TENM1: variants seen among roughly 807,000 people sequenced by gnomAD.
TENM1 encodes the protein teneurin-1.
In TENM1, 35 loss-of-function variants were observed where a neutral mutation model predicts 174.8. That is an observed-to-expected ratio of 0.20 (90% CI 0.15 to 0.27). The LOEUF is 0.27. Ranked by LOEUF, TENM1 falls within the 10% of genes least tolerant of loss-of-function variation. TENM1 has a pLI of 1.00. For synonymous variants in TENM1, 781 were observed against 798.7 expected (o/e 0.98, Z 0.37); for missense variants, 1,633 against 2,130.1 (o/e 0.77, Z 4.59).
chrX:124,509,790 G>A lies in TENM1; in HGVS notation c.3302-6087C>T, dbSNP rs189388868. ...GGCTGGAGTGCAGTGGTGTGATCAC[G>A]GCTCATTGTAGCCTCCACCTCCCAG... On this transcript the variant is annotated intron_variant, in intron 18 of 31. Transcript: ENST00000422452. Among the ~76,000 whole-genome samples, 301 of 103,381 alleles carry A rather than the reference G, an allele frequency of 2.9e-3. 3 individuals carry two copies. Among genetic ancestry groups the A allele is most frequent in the African/African-American group, 0.01 (288 of 27,810 alleles). 89.8% of individuals were successfully genotyped at this position (103,381 alleles called of 115,157 possible).
intron 11 of TENM1, among the ~76,000 whole-genome samples, chrX:124,606,480 G>T (rs1399333010): frequency 9.8e-5 from 11 of 111,707 alleles, no homozygotes; most frequent in African/African-American, 1.3e-4. Flanking sequence ...CATTGGACAA[G>T]ACTTAATATT....
At chrX:124,577,927 C>G (rs781115227) in intron 11 of TENM1, among the ~76,000 whole-genome samples, 12 of 108,208 alleles carry the variant, frequency 1.1e-4, no homozygotes, top group African/African-American at 3.5e-4. Context: ...CCTGATTTCA[C>G]TATTTTTTTT....
At chrX:124,583,197 G>C (rs1301193710) in intron 11 of TENM1, among the ~76,000 whole-genome samples, 2 of 111,409 alleles carry the variant, frequency 1.8e-5, no homozygotes, top group African/African-American at 6.6e-5. Context: ...CTCCCAGCAC[G>C]CAGCTGGAGA....
At chrX:124,953,429 G>C (rs1434235964) in intron 1 of TENM1, among the ~76,000 whole-genome samples, 3 of 111,313 alleles carry the variant, frequency 2.7e-5, no homozygotes, top group African/African-American at 9.8e-5. Context: ...CATCATTCTT[G>C]AACAGTCCCG....
intron 14 of TENM1, among the ~76,000 whole-genome samples, chrX:124,549,540 C>A (rs1022620357): frequency 6.3e-5 from 7 of 110,891 alleles, no homozygotes; most frequent in Non-Finnish European, 1.1e-4. Context: ...TAAAAAAAAA[C>A]TAAAAAAATC....
At chrX:124,404,159 A>G (rs1238935169) in intron 27 of TENM1, among the ~76,000 whole-genome samples, 1 of 111,934 alleles carries the variant, frequency 8.9e-6, no homozygotes, top group African/African-American at 3.2e-5. Context: ...AACTTTATAT[A>G]TAACAGAAAC....
At chrX:124,594,382 CT>C (rs2049839441) in intron 11 of TENM1, among the ~76,000 whole-genome samples, 1 of 111,632 alleles carries the variant, frequency 9.0e-6, no homozygotes, top group African/African-American at 3.3e-5. Context: ...AGAGAAATGT[CT>C]TAGTCACCTT....
chrX:125,114,687 C>A, the TENM1 span, among the ~76,000 whole-genome samples: 1 of 110,967 alleles, frequency 9.0e-6, no homozygotes, highest in South Asian at 3.8e-4. Flanking sequence ...AAGACTAAAC[C>A]AGGAAGAACT....
the TENM1 span, among the ~76,000 whole-genome samples, chrX:124,983,175 C>CT: frequency 2.3e-3 from 242 of 106,595 alleles, no homozygotes; most frequent in East Asian, 7.6e-3. Flanking sequence ...TTTTTACTGT[C>CT]TTTTTTTTTT....
chrX:124,660,549 A>G lies in TENM1; in HGVS notation c.1169-6766T>C, dbSNP rs113724257. Among the ~76,000 whole-genome samples, 364 of 111,806 alleles carry G rather than the reference A, an allele frequency of 3.3e-3. 2 individuals carry two copies. The highest frequency in any genetic ancestry group is 0.011 in the African/African-American group (343 of 30,782). On this transcript the variant is annotated intron_variant, in intron 6 of 31. Coordinates refer to ENST00000422452, the Ensembl canonical transcript of TENM1. ...CAACAATAAAAAGTTAAATAATTGA[A>G]AAAAGAGCAAATGATCTGAATAGAC...
At chrX:124,982,484 G>A in the TENM1 span, among the ~76,000 whole-genome samples, 1 of 111,344 alleles carries the variant, frequency 9.0e-6, no homozygotes, top group Non-Finnish European at 1.9e-5. Flanking sequence ...GAAGGGAGAT[G>A]CCAGAGAGCA....
chrX:124,471,330 TA>T (rs1419399079), intron 22 of TENM1, among the ~76,000 whole-genome samples: 1 of 24,679 alleles, frequency 4.1e-5, no homozygotes, highest in Non-Finnish European at 6.8e-5. Context: ...TTATAATATA[TA>T]GTACTATATA....
chrX:124,450,951 C>A (rs1479128865), intron 23 of TENM1, among the ~76,000 whole-genome samples: 1 of 112,331 alleles, frequency 8.9e-6, no homozygotes, highest in East Asian at 2.8e-4. Context: ...TTATTACTTG[C>A]AGACAAGACC....
chrX:124,841,033 A>G (rs762312502), intron 3 of TENM1, among the ~76,000 whole-genome samples: 22 of 111,961 alleles, frequency 2.0e-4, no homozygotes, highest in Admixed American at 4.8e-4. Context: ...AAATAGGCAC[A>G]TAGTTGCCAT....
At chrX:124,834,378 C>T (rs920037764) in intron 3 of TENM1, among the ~76,000 whole-genome samples, 1 of 111,504 alleles carries the variant, frequency 9.0e-6, no homozygotes, top group Non-Finnish European at 1.9e-5. Flanking sequence ...CGCCACATGG[C>T]CCAGGTTAGT....
intron 18 of TENM1, among the ~76,000 whole-genome samples, chrX:124,507,384 C>T (rs1206912646): frequency 2.7e-5 from 3 of 111,581 alleles, no homozygotes; most frequent in Non-Finnish European, 5.7e-5. Flanking sequence ...TTCACCTCCA[C>T]ACAGAGATAT....
chrX:125,114,138 G>T, the TENM1 span, among the ~76,000 whole-genome samples: 1 of 111,769 alleles, frequency 8.9e-6, no homozygotes, highest in East Asian at 2.8e-4. Flanking sequence ...CATGGAAACT[G>T]AACAACCTGT....
At chrX:124,413,448 G>A (rs1022242578) in intron 25 of TENM1, among the ~76,000 whole-genome samples, 3 of 111,270 alleles carry the variant, frequency 2.7e-5, no homozygotes, top group African/African-American at 9.8e-5. Flanking sequence ...AAAGGATGGG[G>A]GTGGATATGA....
exon 29 of TENM1, chrX:124,385,770 C>T (rs771593845): frequency 1.7e-6 from 2 of 1,210,906 alleles, no homozygotes; most frequent in Non-Finnish European, 2.2e-6. Flanking sequence ...GTTAATGTGA[C>T]CTGAGTGGTA....
Sources: gnomAD v4.1 joint callset for allele counts (sites outside exome capture counted in the v4.1 genomes callset) on GRCh38, gnomAD v4.1.1 for gene constraint, MANE v1.5 for transcripts, NCBI Gene and HGNC (gene_info 2026-07-23, HGNC 2026-07-21) for gene names.